Variants in TOPAZ1 observed in about 807,000 individuals in gnomAD.
TOPAZ1 encodes the protein testis and ovary specific TOPAZ 1.
A neutral mutation model predicts 172.2 loss-of-function variants in TOPAZ1; 66 were observed. The observed-to-expected ratio is 0.38, with a 90% confidence interval of 0.31 to 0.47. The LOEUF (loss-of-function observed/expected upper bound fraction) is 0.47, where lower values mean the gene tolerates loss of function less well. Ranked by LOEUF, TOPAZ1 falls within the 20% of genes least tolerant of loss-of-function variation. The pLI, the probability that TOPAZ1 is intolerant of heterozygous loss-of-function variation, is 0.99. For missense variants in TOPAZ1, 1,822 were observed against 1,972.4 expected (o/e 0.92, Z 1.44); for synonymous variants, 681 against 683.9 (o/e 1.00, Z 0.07).
At chr3:44,299,534 G>A (rs1407544363) in intron 12 of TOPAZ1, among the ~76,000 whole-genome samples, 1 of 152,044 alleles carries the variant, frequency 6.6e-6, no homozygotes, top group African/African-American at 2.4e-5. Flanking sequence ...CATTGTGGAA[G>A]TCAGTGTGGC....
At chr3:44,287,902 TG>T (rs11294162) in intron 11 of TOPAZ1, 63 bp downstream of exon 11, 362,697 of 735,118 alleles carry the variant, frequency 0.49, 96,719 homozygotes, top group East Asian at 0.83. Flanking sequence ...ATTGTTTCCA[TG>T]GGGGGGTACC....
chr3:44,312,459 A>C (rs1700407537), intron 16 of TOPAZ1, among the ~76,000 whole-genome samples: 1 of 152,194 alleles, frequency 6.6e-6, no homozygotes, highest in East Asian at 1.9e-4. Flanking sequence ...CCTTTTTAAA[A>C]ATATGCTTTT....
rs139127318 is a variant in TOPAZ1 at position 44,252,562 on chromosome 3, G to C, written c.2766-2406G>C. Among the ~76,000 whole-genome samples the C allele has an allele frequency of 4.1e-3, 632 of 152,294 alleles. 10 individuals are homozygous for C. Among genetic ancestry groups the C allele is most frequent in the African/African-American group, 0.015 (604 of 41,560 alleles). On this transcript the variant is annotated intron_variant, in intron 2 of 19. Transcript: ENST00000309765. Reference sequence around the variant, plus strand: ...TTGGAGGGAGGAAAGTGGGGTGAAAGGCTAATAATGAAAGATAAACATAGC... The same window carrying C: ...TTGGAGGGAGGAAAGTGGGGTGAAACGCTAATAATGAAAGATAAACATAGC...
rs888861793 is a variant in TOPAZ1 at position 44,255,037 on chromosome 3, T to C, written c.2827+8T>C. On this transcript the variant is annotated splice_region_variant and intron_variant, in intron 3 of 19. Transcript: ENST00000309765. ...GTGCTTCCAACTCAGCAGGTAAAAG[T>C]TGACATTTTCAGAATATGCAATATT... 7.7e-6 allele frequency: 12 copies of C among 1,549,420 alleles called. No individual in the cohort carries two copies. In the African/African-American group the frequency reaches 1.4e-4, roughly 18 times the overall value.
At chr3:44,247,523 T>C (rs6785357) in intron 2 of TOPAZ1, among the ~76,000 whole-genome samples, 27,602 of 152,220 alleles carry the variant, frequency 0.18, 2,767 homozygotes, top group Middle Eastern at 0.3. Flanking sequence ...GTTTATTTTA[T>C]ATTACTAAGC....
At chr3:44,330,216 T>C (rs965806556) in intron 19 of TOPAZ1, among the ~76,000 whole-genome samples, 11 of 152,202 alleles carry the variant, frequency 7.2e-5, no homozygotes, top group African/African-American at 2.7e-4. Context: ...TATTTACCAC[T>C]GTGCACTATG....
chr3:44,296,945 G>A (rs1399490335), intron 12 of TOPAZ1, among the ~76,000 whole-genome samples: 1 of 151,720 alleles, frequency 6.6e-6, no homozygotes, highest in Admixed American at 6.6e-5. Flanking sequence ...GCCGAGGTGG[G>A]TGGATCACCT....
intron 16 of TOPAZ1, among the ~76,000 whole-genome samples, chr3:44,310,843 A>T (rs757855550): frequency 6.6e-6 from 1 of 152,226 alleles, no homozygotes; most frequent in Non-Finnish European, 1.5e-5. Context: ...ACTTTCCTTG[A>T]TAAGGCAATT....
intron 4 of TOPAZ1, among the ~76,000 whole-genome samples, chr3:44,257,354 T>TGG (rs1196424860): frequency 6.8e-4 from 8 of 11,736 alleles, no homozygotes; most frequent in African/African-American, 9.1e-4. Flanking sequence ...AACATAGGGG[T>TGG]GTGTGTGTGT....
At chr3:44,296,215 T>C (rs1260552088) in intron 12 of TOPAZ1, among the ~76,000 whole-genome samples, 2 of 152,124 alleles carry the variant, frequency 1.3e-5, no homozygotes, top group Non-Finnish European at 2.9e-5. Flanking sequence ...AAAGCAATCC[T>C]GAGAGGAAAA....
rs1392823259 is a variant in TOPAZ1, at chr3:44,243,470, G to A, written c.964G>A (p.Glu322Lys). The change falls in exon 2 of 20, where the codon GAG (glutamate) becomes AAG (lysine). Residue 322 changes from glutamate to lysine, a missense_variant. By Grantham distance (56) the Glu-to-Lys change is moderately conservative (BLOSUM62 1). Transcript: ENST00000309765. ...ACATGAAAAAAATAAATATTCAATAGAGGAGAGCAGTGTTGGGCGAAAACC... is the reference window on the plus strand; with the variant it reads ...ACATGAAAAAAATAAATATTCAATAAAGGAGAGCAGTGTTGGGCGAAAACC... ...LQHEKNKYSI[E>K]ESSVGRKPRK... 5 of 1,551,598 alleles carry A rather than the reference G, an allele frequency of 3.2e-6. No homozygotes were observed. In the African/African-American group the frequency reaches 5.5e-5, roughly 17 times the overall value.
intron 12 of TOPAZ1, among the ~76,000 whole-genome samples, chr3:44,301,112 G>T (rs963874026): frequency 1.3e-5 from 2 of 152,184 alleles, no homozygotes; most frequent in African/African-American, 4.8e-5. Context: ...ATTAGTGGTT[G>T]CCAGGGGACA....
At chr3:44,293,630 G>C (rs1700163676) in intron 12 of TOPAZ1, among the ~76,000 whole-genome samples, 1 of 152,198 alleles carries the variant, frequency 6.6e-6, no homozygotes. Context: ...GTGTGTTTCT[G>C]TTTTAAGCTG....
intron 9 of TOPAZ1, among the ~76,000 whole-genome samples, chr3:44,283,659 A>G (rs1700046130): frequency 1.3e-5 from 2 of 152,242 alleles, no homozygotes; most frequent in Admixed American, 1.3e-4. Flanking sequence ...AATGGAAATA[A>G]TACAAACAAG....
intron 18 of TOPAZ1, among the ~76,000 whole-genome samples, chr3:44,326,310 A>G (rs1575219657): frequency 6.6e-6 from 1 of 152,190 alleles, no homozygotes. Flanking sequence ...ATCTTCACCA[A>G]CACTTGTTAC....
intron 9 of TOPAZ1, among the ~76,000 whole-genome samples, chr3:44,283,609 GT>G (rs1189811323): frequency 6.6e-6 from 1 of 152,012 alleles, no homozygotes; most frequent in Non-Finnish European, 1.5e-5. Flanking sequence ...TAAATTTTAA[GT>G]TTTTATTTAG....
intron 12 of TOPAZ1, among the ~76,000 whole-genome samples, chr3:44,297,367 A>G (rs1205546044): frequency 6.8e-6 from 1 of 146,260 alleles, no homozygotes; most frequent in Non-Finnish European, 1.5e-5. Context: ...AATTCATCAT[A>G]TCTACAACAT....
At chr3:44,289,248 G>A (rs1316450722) in intron 11 of TOPAZ1, among the ~76,000 whole-genome samples, 2 of 152,182 alleles carry the variant, frequency 1.3e-5, no homozygotes, top group African/African-American at 4.8e-5. Context: ...TAGACCACCA[G>A]TGACCCTTTC....
chr3:44,247,460 T>G (rs1222286975), intron 2 of TOPAZ1, among the ~76,000 whole-genome samples: 4 of 152,210 alleles, frequency 2.6e-5, no homozygotes, highest in African/African-American at 7.2e-5. Context: ...AAGATGAACA[T>G]ATTTCTACAC....
Sources: gnomAD v4.1 joint callset for allele counts (sites outside exome capture counted in the v4.1 genomes callset) on GRCh38, gnomAD v4.1.1 for gene constraint, MANE v1.5 for transcripts, NCBI Gene and HGNC (gene_info 2026-07-23, HGNC 2026-07-21) for gene names.